C3orf49: variants seen among roughly 807,000 people sequenced by gnomAD.
C3orf49 encodes the protein putative uncharacterized protein C3orf49.
In C3orf49, 27 loss-of-function variants were observed where a neutral mutation model predicts 13.3. The ratio of observed to expected loss-of-function variants is 2.02; its 90% CI spans 1.49 to 2.79. C3orf49 has a LOEUF of 2.79. Ranked by LOEUF, C3orf49 falls within the 30% of genes most tolerant of loss-of-function variation. The pLI is 0.00. For synonymous variants in C3orf49, 87 were observed against 47.6 expected (o/e 1.83, Z -3.40); for missense variants, 242 against 134.2 (o/e 1.80, Z -3.97).
chr3:63,823,510 T>C lies in C3orf49; in HGVS notation c.386T>C (p.Val129Ala). Residue 129 changes from valine (V) to alanine (A), a missense_variant, in exon 2 of 7, where the codon GTC (valine) becomes GCC (alanine). By Grantham distance (64) the Val-to-Ala change is moderately conservative. Transcript: ENST00000295896. Reference protein sequence around the residue: ...SNTQSLLPRIVKEFSSPKLFT... With the variant: ...SNTQSLLPRIAKEFSSPKLFT... ...ACGCAGAGCCTTCTCCCTAGGATTG[T>C]CAAGGAGTTTTCATCTCCCAAGTTA... 1.4e-6 allele frequency: 1 copy of C among 702,566 alleles called. No individual in the cohort carries two copies. The highest frequency in any genetic ancestry group is 1.5e-5 in the South Asian group (1 of 67,530). 43.5% of individuals were successfully genotyped at this position (702,566 alleles called of 1,614,324 possible).
At chr3:63,827,009 T>C (rs1351983114) in intron 2 of C3orf49, 6 of 151,894 alleles carry the variant, frequency 4.0e-5, no homozygotes, top group Admixed American at 1.3e-4. Context: ...AAAAATAACA[T>C]AGTTTTGTTT....
chr3:63,785,421 C>T, the C3orf49 span, among the ~76,000 whole-genome samples: 5 of 152,030 alleles, frequency 3.3e-5, no homozygotes, highest in African/African-American at 9.7e-5. Flanking sequence ...TATATCCCAT[C>T]CTCAGCTTTC....
At chr3:63,783,067 A>G in the C3orf49 span, 6 of 152,172 alleles carry the variant, frequency 3.9e-5, no homozygotes, top group African/African-American at 1.4e-4. Context: ...TCATATCCAT[A>G]AAGTATGATC....
At chr3:63,780,966 T>C in the C3orf49 span, among the ~76,000 whole-genome samples, 1 of 151,906 alleles carries the variant, frequency 6.6e-6, no homozygotes, top group Admixed American at 6.6e-5. Flanking sequence ...GGTAGTTTCT[T>C]TTGCTGTGCA....
intron 5 of C3orf49, chr3:63,835,414 C>A (rs1462084157): frequency 1.2e-6 from 2 of 1,609,490 alleles, no homozygotes; most frequent in East Asian, 2.2e-5. Context: ...AACAGTGTTA[C>A]ATTTTGCTGA....
the C3orf49 span, among the ~76,000 whole-genome samples, chr3:63,788,021 G>A: frequency 2.0e-5 from 3 of 152,230 alleles, no homozygotes; most frequent in African/African-American, 4.8e-5. Flanking sequence ...CAAACACAAT[G>A]AGAAGAGTTA....
At chr3:63,843,903 A>G (rs76757318) in intron 5 of C3orf49, among the ~76,000 whole-genome samples, 1 of 146,914 alleles carries the variant, frequency 6.8e-6, no homozygotes, top group Non-Finnish European at 1.5e-5. Flanking sequence ...TCCGTCTCAG[A>G]AAAAAAAAAA....
At chr3:63,799,153 T>C in the C3orf49 span, among the ~76,000 whole-genome samples, 3 of 152,168 alleles carry the variant, frequency 2.0e-5, no homozygotes, top group African/African-American at 7.2e-5. Flanking sequence ...AACATGCTGA[T>C]TTGGAGCAAT....
the C3orf49 span, among the ~76,000 whole-genome samples, chr3:63,809,431 T>C: frequency 6.6e-6 from 1 of 152,230 alleles, no homozygotes; most frequent in Non-Finnish European, 1.5e-5. Flanking sequence ...GTTATTTTGA[T>C]TATGTAAGAA....
the C3orf49 span, among the ~76,000 whole-genome samples, chr3:63,804,037 T>C: frequency 2.6e-3 from 389 of 151,914 alleles, 2 homozygotes; most frequent in African/African-American, 9.1e-3. Flanking sequence ...CAGTTCACAA[T>C]AGGGTTCACG....
chr3:63,825,428 A>G (rs1224911116), intron 2 of C3orf49, among the ~76,000 whole-genome samples: 1 of 152,232 alleles, frequency 6.6e-6, no homozygotes, highest in Admixed American at 6.5e-5. Context: ...ATTACCTGGT[A>G]TGGATTGAGC....
chr3:63,806,352 C>T, the C3orf49 span, among the ~76,000 whole-genome samples: 2 of 152,206 alleles, frequency 1.3e-5, no homozygotes, highest in Non-Finnish European at 2.9e-5. Context: ...CTGGGATCAG[C>T]TCCCAAGTTA....
At chr3:63,839,203 T>C (rs564360559) in intron 5 of C3orf49, among the ~76,000 whole-genome samples, 2 of 152,144 alleles carry the variant, frequency 1.3e-5, no homozygotes, top group Non-Finnish European at 2.9e-5. Context: ...AAAAAAAAGA[T>C]TAGATATACG....
At chr3:63,791,457 G>A in the C3orf49 span, among the ~76,000 whole-genome samples, 1 of 152,194 alleles carries the variant, frequency 6.6e-6, no homozygotes, top group Non-Finnish European at 1.5e-5. Context: ...GAAAAGGTGA[G>A]CTCAGGTTCA....
At chr3:63,815,771 CTTTT>C (rs1227837780), upstream of C3orf49, among the ~76,000 whole-genome samples, 3 of 136,570 alleles carry the variant, frequency 2.2e-5, no homozygotes, top group African/African-American at 2.8e-5. Context: ...TCTTTTCTTT[CTTTT>C]TTTTTTTTTT....
At chr3:63,806,283 C>T in the C3orf49 span, among the ~76,000 whole-genome samples, 1 of 152,218 alleles carries the variant, frequency 6.6e-6, no homozygotes, top group Non-Finnish European at 1.5e-5. Context: ...TGTTAACACA[C>T]CCTTTATCCA....
chr3:63,824,434 G>A lies in C3orf49; in HGVS notation c.445+865G>A, dbSNP rs560612080. ...GTGTGAAAGAATTAATATTTGAACT[G>A]TTAACTTTAAGTCGTTTTTGCAACT... On this transcript the variant is annotated intron_variant, in intron 2 of 6. Transcript: ENST00000295896. Among the ~76,000 whole-genome samples the A allele has an allele frequency of 9.8e-5, 15 of 152,318 alleles. No homozygotes were observed. In the East Asian group the frequency reaches 2.7e-3, roughly 27 times the overall value.
chr3:63,847,101 C>T (rs1401519261), intron 6 of C3orf49, among the ~76,000 whole-genome samples: 3 of 152,144 alleles, frequency 2.0e-5, no homozygotes, highest in Admixed American at 6.5e-5. Flanking sequence ...GGAAGTACCA[C>T]CACTTGTGCA....
chr3:63,791,986 C>G, the C3orf49 span, among the ~76,000 whole-genome samples: 2 of 152,178 alleles, frequency 1.3e-5, no homozygotes, highest in African/African-American at 4.8e-5. Context: ...CAAATATTTA[C>G]ACTCAGAGAC....
Sources: allele counts gnomAD v4.1 joint callset (sites outside exome capture counted in the v4.1 genomes callset), GRCh38; gene constraint gnomAD v4.1.1; transcripts MANE v1.5; gene names NCBI Gene and HGNC (gene_info 2026-07-23, HGNC 2026-07-21).